The following PPP4R3B variants were observed in gnomAD, a reference collection of about 807,000 sequenced individuals.
PPP4R3B encodes the protein serine/threonine-protein phosphatase 4 regulatory subunit 3B.
PPP4R3B carries 52 observed loss-of-function variants against 95.4 expected under a neutral mutation model. That is an observed-to-expected ratio of 0.54 (90% CI 0.44 to 0.69). The LOEUF is 0.69. Among genes scored for constraint, PPP4R3B ranks in the 30% least tolerant of loss-of-function variants. PPP4R3B has a pLI of 0.00. For synonymous variants in PPP4R3B, 407 were observed against 343.9 expected, an observed-to-expected ratio of 1.18 and a Z score of -2.03; for missense variants, 1,003 against 1,005.9, an observed-to-expected ratio of 1.00 and a Z score of 0.04.
At chr2:55,568,470 A>G (rs1190608229) in intron 12 of PPP4R3B, 107 bp from the exon 13 acceptor site, 4 of 873,798 alleles carry the variant, frequency 4.6e-6, no homozygotes, top group Non-Finnish European at 6.5e-6. Flanking sequence ...TAAAATGAAA[A>G]GTAAAACTGT....
rs563823685 is a variant in PPP4R3B, at chr2:55,603,827, T to G, written c.297+151A>C. On this transcript the variant is annotated intron_variant, in intron 3 of 16. Coordinates refer to ENST00000616407, the MANE Select transcript of PPP4R3B (RefSeq NM_001122964.3). ...TTAAAAAACTTAAAGTAAAATAATT[T>G]GCCGTAGAATATAAAAAATTTCAAG... is the stretch of plus-strand genomic sequence containing the variant. 6.1e-6 allele frequency: 3 copies of G among 492,642 alleles called. No individual in the cohort carries two copies. In the South Asian group the frequency reaches 1.5e-4, roughly 24 times the overall value. 30.5% of individuals were successfully genotyped at this position (492,642 alleles called of 1,614,324 possible).
At chr2:55,576,247 G>A (rs1688644678) in intron 11 of PPP4R3B, among the ~76,000 whole-genome samples, 1 of 152,230 alleles carries the variant, frequency 6.6e-6, no homozygotes, top group Admixed American at 6.5e-5. Flanking sequence ...TACTTGGGAG[G>A]CTGAGGCGGG....
chr2:55,578,685 T>C (rs1168471779), intron 9 of PPP4R3B, among the ~76,000 whole-genome samples: 2 of 152,202 alleles, frequency 1.3e-5, no homozygotes, highest in Non-Finnish European at 2.9e-5. Context: ...CTGTCATGCA[T>C]ATGCACAAAC....
intron 3 of PPP4R3B, among the ~76,000 whole-genome samples, chr2:55,600,457 G>A (rs1015696680): frequency 1.5e-4 from 6 of 39,444 alleles, no homozygotes; most frequent in South Asian, 6.7e-4. Flanking sequence ...AAAAAAAAAA[G>A]GCGGGCAGGG....
chr2:55,613,506 C>T (rs188944514), intron 2 of PPP4R3B, among the ~76,000 whole-genome samples: 3 of 152,062 alleles, frequency 2.0e-5, no homozygotes, highest in Admixed American at 6.5e-5. Flanking sequence ...TACAAAAATG[C>T]TAATTATCTA....
chr2:55,580,122 T>G (rs1431796950), intron 8 of PPP4R3B, among the ~76,000 whole-genome samples: 4 of 152,172 alleles, frequency 2.6e-5, no homozygotes, highest in Non-Finnish European at 5.9e-5. Flanking sequence ...AATAATTTTT[T>G]AAAAAGATGC....
intron 9 of PPP4R3B, 37 bp downstream of exon 9, chr2:55,579,642 A>C (rs747764065): frequency 7.2e-7 from 1 of 1,390,638 alleles, no homozygotes; most frequent in Non-Finnish European, 9.7e-7. Context: ...CCTTCTTTAA[A>C]AACAGAAATC....
chr2:55,591,889 A>G (rs533973613), intron 4 of PPP4R3B, among the ~76,000 whole-genome samples: 4 of 152,332 alleles, frequency 2.6e-5, no homozygotes, highest in Admixed American at 6.5e-5. Context: ...TATAGTTGAA[A>G]TACTTACTCC....
Position 55,588,865 on chromosome 2 carries a change from A to T in PPP4R3B, c.999+14T>A. ...GAATAAGTGCTCTTTAAGAGTTTGA[A>T]TTTCATAACTTACCAATTCACGCCG... is the stretch of plus-strand genomic sequence containing the variant. On this transcript the variant is annotated intron_variant, in intron 5 of 16. Transcript: ENST00000616407. The T allele has an allele frequency of 6.3e-7, 1 of 1,583,610 alleles. No individual in the cohort carries two copies. The highest frequency in any genetic ancestry group is 8.6e-7 in the Non-Finnish European group (1 of 1,158,518).
chr2:55,612,267 A>T (rs1694270037), intron 2 of PPP4R3B, among the ~76,000 whole-genome samples: 1 of 152,200 alleles, frequency 6.6e-6, no homozygotes, highest in South Asian at 2.1e-4. Flanking sequence ...TAACTCCACT[A>T]CTGAACAACA....
intron 3 of PPP4R3B, among the ~76,000 whole-genome samples, chr2:55,599,817 G>A (rs1205382714): frequency 8.4e-6 from 1 of 119,196 alleles, no homozygotes; most frequent in African/African-American, 2.7e-5. Context: ...AGTCTCAGAA[G>A]ATAAGAGGCT....
intron 12 of PPP4R3B, among the ~76,000 whole-genome samples, chr2:55,570,938 C>T (rs1051820721): frequency 2.0e-4 from 31 of 152,288 alleles, no homozygotes; most frequent in African/African-American, 7.5e-4. Context: ...GGTAAATGAA[C>T]TGACATGTAC....
chr2:55,574,678 C>T (rs915257415), intron 11 of PPP4R3B, among the ~76,000 whole-genome samples: 1 of 151,492 alleles, frequency 6.6e-6, no homozygotes, highest in Non-Finnish European at 1.5e-5. Flanking sequence ...ACAGTAAGCT[C>T]CATCTCCTGG....
At chr2:55,553,495 A>G (rs756028870) in intron 16 of PPP4R3B, among the ~76,000 whole-genome samples, 1 of 152,204 alleles carries the variant, frequency 6.6e-6, no homozygotes, top group Non-Finnish European at 1.5e-5. Flanking sequence ...TTCAGAGCAT[A>G]TAATTCAGTG....
chr2:55,601,074 G>A (rs920258981), intron 3 of PPP4R3B, among the ~76,000 whole-genome samples: 7 of 150,776 alleles, frequency 4.6e-5, no homozygotes, highest in Non-Finnish European at 7.4e-5. Context: ...CAGCCTGGGA[G>A]GCAGAGGTTG....
chr2:55,557,577 T>G (rs192927450), intron 16 of PPP4R3B, among the ~76,000 whole-genome samples: 16 of 152,212 alleles, frequency 1.1e-4, no homozygotes, highest in African/African-American at 3.6e-4. Context: ...ACATAAAATA[T>G]GTTTCAAATA....
At chr2:55,614,920 A>G (rs1694687556) in intron 2 of PPP4R3B, 1 of 152,234 alleles carries the variant, frequency 6.6e-6, no homozygotes, top group South Asian at 2.1e-4. Flanking sequence ...TTTCCCAAAT[A>G]AGACAATATT....
intron 15 of PPP4R3B, among the ~76,000 whole-genome samples, chr2:55,561,711 G>GC (rs1259908922): frequency 5.3e-5 from 8 of 152,222 alleles, no homozygotes; most frequent in Non-Finnish European, 1.0e-4. Flanking sequence ...ACTTGCCCAG[G>GC]GCCTGTAGCC....
At chr2:55,606,083 G>T (rs1489915918) in intron 2 of PPP4R3B, among the ~76,000 whole-genome samples, 1 of 151,956 alleles carries the variant, frequency 6.6e-6, no homozygotes, top group African/African-American at 2.4e-5. Flanking sequence ...AAACACCAGG[G>T]TACCCACTCA....
Sources: gnomAD v4.1 joint callset for allele counts (sites outside exome capture counted in the v4.1 genomes callset) on GRCh38, gnomAD v4.1.1 for gene constraint, MANE v1.5 for transcripts, NCBI Gene and HGNC (gene_info 2026-07-23, HGNC 2026-07-21) for gene names.